The following CNGB1 variants were observed in gnomAD, a reference collection of about 807,000 sequenced individuals.
The protein encoded by CNGB1 is cyclic nucleotide-gated channel beta-1.
A neutral mutation model predicts 151.7 loss-of-function variants in CNGB1; 126 were observed. The ratio of observed to expected loss-of-function variants is 0.83; its 90% confidence interval spans 0.72 to 0.96. The LOEUF (loss-of-function observed/expected upper bound fraction) is 0.96. Among genes scored for constraint, CNGB1 ranks in the 40% least tolerant of loss-of-function variants. The pLI, the probability that CNGB1 is intolerant of heterozygous loss-of-function variation, is 0.00. For synonymous variants in CNGB1, 623 were observed against 635.1 expected (o/e 0.98, Z 0.29); for missense variants, 1,698 against 1,627.0 (o/e 1.04, Z -0.75).
chr16:57,893,696 G>A (rs1428897298), intron 31 of CNGB1, among the ~76,000 whole-genome samples: 1 of 152,112 alleles, frequency 6.6e-6, no homozygotes, highest in Non-Finnish European at 1.5e-5. Flanking sequence ...AGCTATTGGG[G>A]TGGCTGAGGC....
chr16:57,917,145 G>T, intron 21 of CNGB1, 123 bp downstream of exon 21: 1 of 833,940 alleles, frequency 1.2e-6, no homozygotes, highest in Non-Finnish European at 2.0e-6. Flanking sequence ...CACAGCAGCC[G>T]TTCTTGAGAT....
chr16:57,914,332 T>C (rs114733261), intron 23 of CNGB1, among the ~76,000 whole-genome samples: 2,214 of 152,284 alleles, frequency 0.015, 53 homozygotes, highest in African/African-American at 0.049. Flanking sequence ...CAAATAAGAA[T>C]GGTGCCAATT....
intron 31 of CNGB1, among the ~76,000 whole-genome samples, chr16:57,894,633 G>T (rs1232582162): frequency 6.6e-6 from 1 of 152,148 alleles, no homozygotes; most frequent in Non-Finnish European, 1.5e-5. Context: ...CTGTGGACTT[G>T]TCCATTTTCG....
At chr16:57,943,518 A>C (rs1286304925) in intron 14 of CNGB1, among the ~76,000 whole-genome samples, 1 of 152,114 alleles carries the variant, frequency 6.6e-6, no homozygotes, top group East Asian at 1.9e-4. Flanking sequence ...AAAAATACAA[A>C]AATTAGGCGG....
intron 11 of CNGB1, 108 bp downstream of exon 11, chr16:57,958,302 G>T: frequency 3.0e-6 from 3 of 987,960 alleles, no homozygotes; most frequent in Middle Eastern, 2.0e-4. Context: ...CAGGAAGGCT[G>T]GGGGAGCTGG....
At position 57,903,942 on chromosome 16, in the gene CNGB1, A is replaced by G; in HGVS notation, c.2674T>C (p.Tyr892His). The G allele has an allele frequency of 1.2e-6, 2 of 1,614,060 alleles. No homozygotes were observed. The highest frequency in any genetic ancestry group is 1.1e-5 in the South Asian group (1 of 91,064). The part of the protein sequence containing the change: ...VVGAATAGQT[Y>H]YRSCMDSTVK... ...GTGCTGTCCATGCAGCTGCGGTAGT[A>G]GGTCTGTCCGGCGGTGGCGGCCCCT... Residue 892 changes from tyrosine to histidine, a missense_variant, in exon 27 of 33, where the codon TAC becomes CAC. Transcript: ENST00000251102.
In CNGB1 at chr16:57,950,534, A is replaced by T; in HGVS notation, c.881T>A (p.Ile294Asn). 6.2e-7 allele frequency: 1 copy of T among 1,614,128 alleles called. No homozygotes were observed. Among genetic ancestry groups the T allele is most frequent in the East Asian group, 2.2e-5 (1 of 44,866 alleles). ...PGICDVQTIS[I>N]LPGGQVEPDL... ...AGGCTCCACTTGTCCTCCAGGAAGG[A>T]TGCTGACTGCAGGGAACACAGGAAG... The change falls in exon 13 of 33, where the codon ATC becomes AAC. Residue 294 changes from isoleucine to asparagine, a missense_variant. Transcript: ENST00000251102.
chr16:57,959,860 G>C (rs1303284392), intron 10 of CNGB1, 28 bp downstream of exon 10: 1 of 1,483,616 alleles, frequency 6.7e-7, no homozygotes, highest in Admixed American at 2.5e-5. Flanking sequence ...GCTCCCTGGT[G>C]GGAGGCGCTG....
intron 32 of CNGB1, among the ~76,000 whole-genome samples, chr16:57,884,992 C>A (rs1211457921): frequency 1.3e-5 from 2 of 152,198 alleles, no homozygotes; most frequent in African/African-American, 2.4e-5. Context: ...GGGCTGGGTA[C>A]CCCTGCTATT....
chr16:57,884,627 A>T (rs374608490), intron 32 of CNGB1, among the ~76,000 whole-genome samples, 170 bp from the exon 33 acceptor site: 4 of 151,978 alleles, frequency 2.6e-5, no homozygotes, highest in African/African-American at 9.7e-5. Context: ...TATTTAGGAG[A>T]AACAAAATAC....
chr16:57,887,796 G>T, intron 32 of CNGB1, 59 bp downstream of exon 32: 1 of 1,519,450 alleles, frequency 6.6e-7, no homozygotes, highest in Non-Finnish European at 9.1e-7. Context: ...GAGACCCCTT[G>T]GCCTTCTCCC....
At position 57,950,523 on chromosome 16, in the gene CNGB1, C is replaced by CTCCAGGAAGGATGCTGACTGCA; in HGVS notation, c.875-5_891dup (p.Gly298CysfsTer13). On this transcript the variant is annotated frameshift_variant, in exon 13 of 33. Transcript: ENST00000251102. LOFTEE classifies it high-confidence loss of function. ...AGGACAAGGTCAGGCTCCACTTGTC[C>CTCCAGGAAGGATGCTGACTGCA]TCCAGGAAGGATGCTGACTGCAGGG... 6.2e-7 allele frequency: 1 copy of CTCCAGGAAGGATGCTGACTGCA among 1,614,166 alleles called. No individual in the cohort carries two copies. The highest frequency in any genetic ancestry group is 8.5e-7 in the Non-Finnish European group (1 of 1,180,030).
chr16:57,941,114 A>G (rs1280438878), intron 14 of CNGB1, among the ~76,000 whole-genome samples: 2 of 152,216 alleles, frequency 1.3e-5, no homozygotes, highest in Admixed American at 1.3e-4. Flanking sequence ...TGATAATTCA[A>G]ATTAATATAT....
At chr16:57,918,246 A>T (rs1960933917) in intron 20 of CNGB1, among the ~76,000 whole-genome samples, 1 of 151,984 alleles carries the variant, frequency 6.6e-6, no homozygotes, top group Non-Finnish European at 1.5e-5. Context: ...CAGTGCTGGG[A>T]TTACAGGTGT....
At chr16:57,934,655 A>T (rs1961455098) in intron 16 of CNGB1, among the ~76,000 whole-genome samples, 1 of 151,732 alleles carries the variant, frequency 6.6e-6, no homozygotes, top group South Asian at 2.1e-4. Flanking sequence ...AGTATAACCT[A>T]GAATAAGAAT....
intron 11 of CNGB1, 39 bp from the exon 12 acceptor site, chr16:57,957,416 C>T (rs771390550): frequency 1.4e-5 from 23 of 1,589,324 alleles, no homozygotes; most frequent in Admixed American, 8.3e-5. Flanking sequence ...CCTGCCACGG[C>T]CTCTTCACCA....
chr16:57,967,422 G>A (rs151089733), intron 1 of CNGB1, 128 bp from the exon 2 acceptor site: 23 of 944,148 alleles, frequency 2.4e-5, no homozygotes, highest in Admixed American at 1.6e-4. Context: ...GACTGGGTGC[G>A]GTGGCTCACA....
At chr16:57,966,940 G>A (rs1437777548) in intron 2 of CNGB1, among the ~76,000 whole-genome samples, 188 bp downstream of exon 2, 4 of 152,198 alleles carry the variant, frequency 2.6e-5, no homozygotes, top group East Asian at 1.9e-4. Flanking sequence ...GTTAGCCTTG[G>A]GCAAGCCCTA....
intron 17 of CNGB1, among the ~76,000 whole-genome samples, chr16:57,924,129 C>T (rs1447165633): frequency 3.3e-5 from 5 of 152,046 alleles, no homozygotes; most frequent in African/African-American, 1.2e-4. Flanking sequence ...CAGGTTGGAG[C>T]CTGGGTGTCT....
Sources: gnomAD v4.1 joint callset for allele counts (sites outside exome capture counted in the v4.1 genomes callset) on GRCh38, gnomAD v4.1.1 for gene constraint, MANE v1.5 for transcripts, NCBI Gene and HGNC (gene_info 2026-07-23, HGNC 2026-07-21) for gene names.